Variants in MATCAP2 observed in about 807,000 individuals in gnomAD.
MATCAP2 encodes putative tyrosine carboxypeptidase MATCAP2.
At chr7:36,389,920 C>G in the MATCAP2 span, 2 of 1,603,804 alleles carry the variant, frequency 1.2e-6, no homozygotes, top group Admixed American at 1.7e-5. Context: ...GTTCCCCCGC[C>G]TCAGACTCCT....
At chr7:36,352,396 TAAAAAAAAAAAA>T in the MATCAP2 span, among the ~76,000 whole-genome samples, 1 of 106,202 alleles carries the variant, frequency 9.4e-6, no homozygotes, top group Admixed American at 1.0e-4. Flanking sequence ...GACTCCATCT[TAAAAAAAAAAAA>T]AAAAAAAAAA....
At chr7:36,389,891 G>C in the MATCAP2 span, 7 of 1,509,738 alleles carry the variant, frequency 4.6e-6, no homozygotes, top group Non-Finnish European at 6.4e-6. Flanking sequence ...GAGAGGAGAG[G>C]ACAGCTGGTT....
the MATCAP2 span, among the ~76,000 whole-genome samples, chr7:36,343,344 G>A: frequency 9.2e-6 from 1 of 108,828 alleles, no homozygotes; most frequent in African/African-American, 3.7e-5. Flanking sequence ...GGAGAGGAGA[G>A]GGGAGCAGAG....
At chr7:36,366,903 TC>T in the MATCAP2 span, 1 of 1,461,292 alleles carries the variant, frequency 6.8e-7, no homozygotes, top group Non-Finnish European at 8.9e-7. Context: ...GGCCAGCCCT[TC>T]CCGGCACTCA....
the MATCAP2 span, among the ~76,000 whole-genome samples, chr7:36,331,711 C>T: frequency 2.0e-5 from 3 of 152,130 alleles, no homozygotes; most frequent in Non-Finnish European, 4.4e-5. Flanking sequence ...TAGAACATTT[C>T]ATGAATCTGA....
At chr7:36,359,905 A>T in the MATCAP2 span, among the ~76,000 whole-genome samples, 1 of 152,186 alleles carries the variant, frequency 6.6e-6, no homozygotes, top group Admixed American at 6.6e-5. Context: ...AAGAGGTGAT[A>T]ATGAAAAGAA....
At chr7:36,327,807 T>C in the MATCAP2 span, among the ~76,000 whole-genome samples, 3 of 151,980 alleles carry the variant, frequency 2.0e-5, no homozygotes, top group Non-Finnish European at 2.9e-5. Flanking sequence ...ACTCCAAAAT[T>C]CAAAAAAATC....
chr7:36,381,629 A>G, the MATCAP2 span, among the ~76,000 whole-genome samples: 1 of 150,474 alleles, frequency 6.6e-6, no homozygotes, highest in African/African-American at 2.4e-5. Flanking sequence ...TAAGATGGTA[A>G]CACTGCACTC....
the MATCAP2 span, among the ~76,000 whole-genome samples, chr7:36,343,351 AGAGGGGAAGGGAGGAGAGAGGAGGG>A: frequency 1.2e-5 from 1 of 85,116 alleles, no homozygotes; most frequent in African/African-American, 4.9e-5. Flanking sequence ...AGAGGGGAGC[AGAGGGGAAGGGAGGAGAGAGGAGGG>A]GAGGGGAAGG....
chr7:36,362,961 G>C, the MATCAP2 span, among the ~76,000 whole-genome samples: 3 of 152,138 alleles, frequency 2.0e-5, no homozygotes, highest in Non-Finnish European at 4.4e-5. Context: ...GAAATTATAA[G>C]CTCTTTTACA....
At chr7:36,390,327 T>A in the MATCAP2 span, 1 of 508,928 alleles carries the variant, frequency 2.0e-6, no homozygotes, top group South Asian at 2.4e-5. Flanking sequence ...GTTTTTACCA[T>A]GTCCCTCTGC....
chr7:36,339,079 T>C, the MATCAP2 span, among the ~76,000 whole-genome samples: 14 of 152,368 alleles, frequency 9.2e-5, no homozygotes. Context: ...TCAGGACCTC[T>C]TGAGACTATG....
At chr7:36,364,746 G>A in the MATCAP2 span, among the ~76,000 whole-genome samples, 2 of 152,188 alleles carry the variant, frequency 1.3e-5, no homozygotes, top group Admixed American at 1.3e-4. Context: ...TCTACATGAA[G>A]TTTCTGGCTG....
the MATCAP2 span, among the ~76,000 whole-genome samples, chr7:36,378,590 G>C: frequency 6.6e-6 from 1 of 152,334 alleles, no homozygotes; most frequent in African/African-American, 2.4e-5. Context: ...TCTGTTCTCA[G>C]AGCTTAAACA....
At chr7:36,360,037 G>A in the MATCAP2 span, among the ~76,000 whole-genome samples, 1 of 152,238 alleles carries the variant, frequency 6.6e-6, no homozygotes, top group Non-Finnish European at 1.5e-5. Flanking sequence ...TGTTTTCTCA[G>A]TTGATCTTCG....
the MATCAP2 span, among the ~76,000 whole-genome samples, chr7:36,383,653 G>C: frequency 3.3e-5 from 5 of 152,136 alleles, no homozygotes; most frequent in African/African-American, 9.7e-5. Flanking sequence ...TCACACACCA[G>C]GGTCTGTAGG....
At chr7:36,342,155 T>C in the MATCAP2 span, among the ~76,000 whole-genome samples, 2 of 151,748 alleles carry the variant, frequency 1.3e-5, no homozygotes, top group African/African-American at 2.4e-5. Flanking sequence ...TTTGGTGGAG[T>C]ATAGTTTGTA....
At chr7:36,358,084 G>A in the MATCAP2 span, among the ~76,000 whole-genome samples, 7 of 151,974 alleles carry the variant, frequency 4.6e-5, no homozygotes, top group South Asian at 1.0e-3. Flanking sequence ...TGTAATCCCA[G>A]CTACTCAGGA....
At chr7:36,329,750 C>A in the MATCAP2 span, among the ~76,000 whole-genome samples, 13 of 152,264 alleles carry the variant, frequency 8.5e-5, no homozygotes, top group African/African-American at 2.9e-4. Flanking sequence ...AGGGAATAGT[C>A]CATTCATAAA....
Sources: allele counts gnomAD v4.1 joint callset (sites outside exome capture counted in the v4.1 genomes callset), GRCh38; gene constraint gnomAD v4.1.1; transcripts MANE v1.5; gene names NCBI Gene and HGNC (gene_info 2026-07-23, HGNC 2026-07-21).